Variants in MAGI1 observed in about 807,000 individuals in gnomAD.
The protein encoded by MAGI1 is membrane-associated guanylate kinase, WW and PDZ domain-containing protein 1.
In MAGI1, 58 loss-of-function variants were observed where a neutral mutation model predicts 139.9. That is an observed-to-expected ratio of 0.41 (90% CI 0.34 to 0.52). The LOEUF is 0.52. Among genes scored for constraint, MAGI1 ranks in the 20% least tolerant of loss-of-function variants. The probability of loss-of-function intolerance (pLI) is 0.12; values close to 1 mark genes in which losing one functional copy is unlikely to be tolerated. For missense variants in MAGI1, 1,874 were observed against 1,901.6 expected, an observed-to-expected ratio of 0.99 and a Z score of 0.27; for synonymous variants, 812 against 737.9, an observed-to-expected ratio of 1.10 and a Z score of -1.63.
chr3:65,429,499 G>A lies in MAGI1; in HGVS notation c.2167+21C>T, dbSNP rs201610628. The stretch of plus-strand genomic sequence containing the variant: ...ATTTGGGATAAAAAAAAAATTCAAA[G>A]AACAAAACAACCCTACTTACCTCCT... On this transcript the variant is annotated intron_variant, in intron 12 of 22. Coordinates refer to ENST00000402939, the MANE Select transcript of MAGI1 (RefSeq NM_001033057.2). 1.2e-5 allele frequency: 19 copies of A among 1,563,340 alleles called. No individual in the cohort carries two copies. In the East Asian group the frequency reaches 3.8e-4, roughly 32 times the overall value.
chr3:65,865,325 G>A (rs184421791), intron 1 of MAGI1, among the ~76,000 whole-genome samples: 203 of 152,264 alleles, frequency 1.3e-3, no homozygotes, highest in African/African-American at 4.7e-3. Flanking sequence ...CACTGACCAC[G>A]TGCAGTGGCT....
chr3:65,673,934 G>C (rs1217739253), intron 1 of MAGI1, among the ~76,000 whole-genome samples: 1 of 152,060 alleles, frequency 6.6e-6, no homozygotes, highest in East Asian at 1.9e-4. Flanking sequence ...TTCTATTAGA[G>C]TCACCTCGTA....
At chr3:65,892,839 T>C (rs1413292184) in intron 1 of MAGI1, among the ~76,000 whole-genome samples, 1 of 152,036 alleles carries the variant, frequency 6.6e-6, no homozygotes, top group East Asian at 1.9e-4. Flanking sequence ...TGACAGGAAA[T>C]AGGAAACACT....
At chr3:65,631,120 C>A (rs2084276965) in intron 1 of MAGI1, among the ~76,000 whole-genome samples, 1 of 152,134 alleles carries the variant, frequency 6.6e-6, no homozygotes, top group Admixed American at 6.5e-5. Context: ...GTAGCCTAGA[C>A]TAAGGGAGTG....
chr3:65,358,562 C>T (rs1033234205), intron 22 of MAGI1, among the ~76,000 whole-genome samples: 4 of 152,150 alleles, frequency 2.6e-5, no homozygotes, highest in Non-Finnish European at 5.9e-5. Context: ...TCTGTTACAG[C>T]TATTCAGCTC....
At chr3:65,678,978 G>A (rs889874603) in intron 1 of MAGI1, among the ~76,000 whole-genome samples, 2 of 152,046 alleles carry the variant, frequency 1.3e-5, no homozygotes, top group Admixed American at 6.6e-5. Context: ...AATAATGGGC[G>A]TAAATAGTGA....
chr3:65,356,695 A>G lies in MAGI1; in HGVS notation c.4072T>C (p.Ser1358Pro). 1 of 1,591,998 alleles carries G rather than the reference A, an allele frequency of 6.3e-7. No homozygotes were observed. The highest frequency in any genetic ancestry group is 8.5e-7 in the Non-Finnish European group (1 of 1,169,736). Residue 1358 changes from serine (S) to proline (P), a missense_variant, in exon 23 of 23, where the codon TCA (serine) becomes CCA (proline). Coordinates refer to ENST00000402939, the MANE Select transcript of MAGI1 (RefSeq NM_001033057.2). ...DVSPERRRER[S>P]PTRRRDGSPS... ...GAGCCGTCTCTCCTGCGGGTGGGTGACCGCTCTCGCCTCCGCTCCGGAGAG... is the reference window on the plus strand; with the variant it reads ...GAGCCGTCTCTCCTGCGGGTGGGTGGCCGCTCTCGCCTCCGCTCCGGAGAG...
chr3:65,486,270 C>G (rs1439863608), intron 3 of MAGI1, among the ~76,000 whole-genome samples: 1 of 152,150 alleles, frequency 6.6e-6, no homozygotes, highest in Non-Finnish European at 1.5e-5. Context: ...TTTGAAATGT[C>G]ACCCTGGCAC....
rs1173086138 is a variant in MAGI1, at chr3:65,638,597, A to ATTTTTTTT, written c.314-16517_314-16510dup. On this transcript the variant is annotated intron_variant, in intron 1 of 22. Transcript: ENST00000402939. ...AGGAGTGCGCCACCATGCTCTCCTGATTTTTTTTTTTTTTTTTTTTTTTTT... is the reference window on the plus strand; with the variant it reads ...AGGAGTGCGCCACCATGCTCTCCTGATTTTTTTTTTTTTTTTTTTTTTTTTTTTTTTTT... Among the ~76,000 whole-genome samples, 30 of 41,012 alleles carry ATTTTTTTT rather than the reference A, an allele frequency of 7.3e-4. 7 individuals are homozygous for ATTTTTTTT. The highest frequency in any genetic ancestry group is 1.1e-3 in the Non-Finnish European group (24 of 22,236). 26.9% of individuals were successfully genotyped at this position (41,012 alleles called of 152,430 possible). A position where few individuals can be genotyped will look rare whatever the true frequency, so the allele number is the denominator to read the frequency against.
chr3:65,511,828 C>G (rs2077613355), intron 2 of MAGI1, among the ~76,000 whole-genome samples: 1 of 129,250 alleles, frequency 7.7e-6, no homozygotes, highest in Non-Finnish European at 1.6e-5. Context: ...ACAGAACTCT[C>G]CACCCCAAAT....
chr3:65,814,703 G>A (rs2041492629), intron 1 of MAGI1, among the ~76,000 whole-genome samples: 1 of 152,098 alleles, frequency 6.6e-6, no homozygotes, highest in South Asian at 2.1e-4. Context: ...AATGCTCAGA[G>A]CATCACAGAA....
At chr3:65,465,706 C>T (rs147916042) in intron 5 of MAGI1, among the ~76,000 whole-genome samples, 1 of 152,228 alleles carries the variant, frequency 6.6e-6, no homozygotes, top group Non-Finnish European at 1.5e-5. Flanking sequence ...ATGTGTCTTG[C>T]TGTAGTTTTC....
intron 1 of MAGI1, among the ~76,000 whole-genome samples, chr3:65,720,337 T>A (rs1013990148): frequency 6.6e-6 from 1 of 152,190 alleles, no homozygotes; most frequent in African/African-American, 2.4e-5. Flanking sequence ...GTACCTTACC[T>A]GCCAGGTTAC....
chr3:65,436,280 A>T (rs572776920), intron 10 of MAGI1, among the ~76,000 whole-genome samples: 1 of 152,256 alleles, frequency 6.6e-6, no homozygotes, highest in African/African-American at 2.4e-5. Flanking sequence ...AAGGAAGACA[A>T]ATTTTATAGT....
intron 1 of MAGI1, among the ~76,000 whole-genome samples, chr3:65,623,808 G>A (rs2083815667): frequency 6.6e-6 from 1 of 152,074 alleles, no homozygotes; most frequent in Non-Finnish European, 1.5e-5. Flanking sequence ...AACCCAATTT[G>A]AGCTATTTTA....
At chr3:65,952,458 C>T (rs1560048934) in intron 1 of MAGI1, among the ~76,000 whole-genome samples, 1 of 152,162 alleles carries the variant, frequency 6.6e-6, no homozygotes, top group Non-Finnish European at 1.5e-5. Context: ...TAACTACGTA[C>T]CAAAACACAA....
chr3:65,534,656 C>T (rs2078871638), intron 2 of MAGI1, among the ~76,000 whole-genome samples: 1 of 152,186 alleles, frequency 6.6e-6, no homozygotes, highest in African/African-American at 2.4e-5. Flanking sequence ...ACCACAGTGC[C>T]TGGCATACAC....
At chr3:65,814,263 A>T (rs2041463971) in intron 1 of MAGI1, among the ~76,000 whole-genome samples, 2 of 152,172 alleles carry the variant, frequency 1.3e-5, no homozygotes, top group African/African-American at 4.8e-5. Context: ...AGTCATGATA[A>T]AATTCATTCT....
At chr3:65,814,140 C>T (rs2041455234) in intron 1 of MAGI1, among the ~76,000 whole-genome samples, 1 of 152,002 alleles carries the variant, frequency 6.6e-6, no homozygotes, top group South Asian at 2.1e-4. Context: ...CAGAGGAGAT[C>T]GGGTCTTTAG....
Sources: gnomAD v4.1 joint callset for allele counts (sites outside exome capture counted in the v4.1 genomes callset) on GRCh38, gnomAD v4.1.1 for gene constraint, MANE v1.5 for transcripts, NCBI Gene and HGNC (gene_info 2026-07-23, HGNC 2026-07-21) for gene names.